RAPGEF4: variants seen among roughly 807,000 people sequenced by gnomAD.
RAPGEF4 encodes the protein RAP guanine-nucleotide-exchange factor (GEF) 4.
A neutral mutation model predicts 147.9 loss-of-function variants in RAPGEF4; 66 were observed. That is an observed-to-expected ratio of 0.45 (90% CI 0.37 to 0.55). The LOEUF is 0.55. RAPGEF4 is among the 20% of genes least tolerant of loss of function. RAPGEF4 has a pLI of 0.00. For synonymous variants in RAPGEF4, 419 were observed against 442.7 expected, an observed-to-expected ratio of 0.95 and a Z score of 0.67; for missense variants, 1,071 against 1,257.3, an observed-to-expected ratio of 0.85 and a Z score of 2.24.
intron 4 of RAPGEF4, among the ~76,000 whole-genome samples, chr2:172,839,340 G>A (rs529006931): frequency 6.6e-6 from 1 of 152,204 alleles, no homozygotes; most frequent in East Asian, 1.9e-4. Flanking sequence ...CGTAGACAGA[G>A]CAGCCCTGAG....
At chr2:172,857,273 A>G (rs1430778157) in intron 4 of RAPGEF4, among the ~76,000 whole-genome samples, 2 of 152,174 alleles carry the variant, frequency 1.3e-5, no homozygotes, top group African/African-American at 2.4e-5. Context: ...GAAGACAGGC[A>G]AATCCAAGTC....
intron 4 of RAPGEF4, among the ~76,000 whole-genome samples, chr2:172,866,738 C>G (rs1694688843): frequency 6.6e-6 from 1 of 152,018 alleles, no homozygotes; most frequent in Non-Finnish European, 1.5e-5. Context: ...TGCTGAATTA[C>G]CCTTCTGTTA....
intron 1 of RAPGEF4, among the ~76,000 whole-genome samples, chr2:172,759,986 T>G (rs1370626333): frequency 3.3e-5 from 5 of 152,170 alleles, no homozygotes. Flanking sequence ...TCTCTTTTCC[T>G]CATGTATCCC....
At chr2:172,740,965 T>C (rs1388269077) in intron 1 of RAPGEF4, among the ~76,000 whole-genome samples, 7 of 152,210 alleles carry the variant, frequency 4.6e-5, no homozygotes, top group Non-Finnish European at 8.8e-5. Flanking sequence ...AAGTAAGCCA[T>C]ATGGGAAATC....
intron 1 of RAPGEF4, among the ~76,000 whole-genome samples, chr2:172,761,476 A>G (rs902141273): frequency 2.0e-5 from 3 of 152,156 alleles, no homozygotes; most frequent in Admixed American, 2.0e-4. Context: ...GGGAAAAAAA[A>G]GAATTGTCAA....
intron 4 of RAPGEF4, among the ~76,000 whole-genome samples, chr2:172,858,768 A>G (rs1013040735): frequency 7.2e-5 from 11 of 152,322 alleles, no homozygotes; most frequent in Admixed American, 5.2e-4. Context: ...AGTTTACCCA[A>G]GTGATATAAT....
intron 29 of RAPGEF4, among the ~76,000 whole-genome samples, chr2:173,038,616 T>G (rs1362641549): frequency 2.0e-5 from 3 of 152,014 alleles, no homozygotes; most frequent in Admixed American, 1.3e-4. Context: ...AGGGAGAGCA[T>G]TAGGACAAAT....
At chr2:172,959,018 T>C (rs1373058202) in intron 6 of RAPGEF4, among the ~76,000 whole-genome samples, 1 of 152,228 alleles carries the variant, frequency 6.6e-6, no homozygotes, top group African/African-American at 2.4e-5. Flanking sequence ...GGAAAACTTA[T>C]CAATTTATTT....
At chr2:173,034,180 A>G (rs191026443) in intron 27 of RAPGEF4, among the ~76,000 whole-genome samples, 12 of 152,362 alleles carry the variant, frequency 7.9e-5, no homozygotes, top group Admixed American at 7.2e-4. Flanking sequence ...ACATAAGGTC[A>G]ATTTGTATAA....
chr2:172,784,295 G>C (rs1684972345), intron 1 of RAPGEF4, among the ~76,000 whole-genome samples: 2 of 152,154 alleles, frequency 1.3e-5, no homozygotes, highest in African/African-American at 4.8e-5. Flanking sequence ...GAGGCAGGCG[G>C]ATCATGAGGT....
At chr2:172,973,039 A>G (rs1030109589) in intron 10 of RAPGEF4, among the ~76,000 whole-genome samples, 2 of 151,542 alleles carry the variant, frequency 1.3e-5, no homozygotes, top group Admixed American at 6.6e-5. Context: ...TGTTCTCTGA[A>G]TGTTCTTTAA....
In RAPGEF4 at chr2:173,052,822, G is replaced by A. The variant is rs1455591684; in HGVS notation, c.*1055G>A. 1.3e-5 allele frequency: 2 copies of A among 152,060 alleles called. No homozygotes were observed. The highest frequency in any genetic ancestry group is 4.8e-5 in the African/African-American group (2 of 41,326). 9.4% of individuals were successfully genotyped at this position (152,060 alleles called of 1,614,324 possible). On this transcript the variant is annotated 3_prime_UTR_variant, in exon 31 of 31. Transcript: ENST00000397081. ...ACAATTAGACTACATTTAATGTGTA[G>A]GAATTGTATGTATGTATATCTTCTG... is the stretch of plus-strand genomic sequence containing the variant.
intron 4 of RAPGEF4, among the ~76,000 whole-genome samples, chr2:172,841,463 C>T (rs1051464283): frequency 6.6e-6 from 1 of 152,110 alleles, no homozygotes; most frequent in African/African-American, 2.4e-5. Flanking sequence ...TCAGGTATTC[C>T]TTTATGGCAA....
intron 30 of RAPGEF4, among the ~76,000 whole-genome samples, chr2:173,049,054 C>T (rs556092946): frequency 6.6e-6 from 1 of 152,170 alleles, no homozygotes; most frequent in East Asian, 1.9e-4. Context: ...CAATTATAAA[C>T]CAGGAAAGAT....
At chr2:172,984,134 G>A (rs1449467557) in intron 11 of RAPGEF4, among the ~76,000 whole-genome samples, 2 of 152,168 alleles carry the variant, frequency 1.3e-5, no homozygotes, top group African/African-American at 4.8e-5. Flanking sequence ...CCTGATTAGA[G>A]TATTTAGGAG....
chr2:172,753,624 T>C (rs549875614), intron 1 of RAPGEF4, among the ~76,000 whole-genome samples: 1 of 152,230 alleles, frequency 6.6e-6, no homozygotes, highest in African/African-American at 2.4e-5. Flanking sequence ...TTTGATTTCA[T>C]AGGATTGATA....
At chr2:172,838,600 C>T (rs961564469) in intron 4 of RAPGEF4, among the ~76,000 whole-genome samples, 1 of 152,060 alleles carries the variant, frequency 6.6e-6, no homozygotes, top group Admixed American at 6.5e-5. Flanking sequence ...AATTGTAGAT[C>T]TCTTTTATCA....
At chr2:172,969,187 A>G (rs1457641166) in intron 10 of RAPGEF4, among the ~76,000 whole-genome samples, 1 of 152,252 alleles carries the variant, frequency 6.6e-6, no homozygotes, top group Admixed American at 6.5e-5. Context: ...AGTTTCTTAA[A>G]GGCAAAGACA....
intron 4 of RAPGEF4, among the ~76,000 whole-genome samples, chr2:172,815,271 A>T (rs781614888): frequency 7.2e-5 from 11 of 152,240 alleles, no homozygotes; most frequent in Non-Finnish European, 7.3e-5. Flanking sequence ...TGTGTAATCA[A>T]ATAGTTTCCT....
Sources: gnomAD v4.1 joint callset for allele counts (sites outside exome capture counted in the v4.1 genomes callset) on GRCh38, gnomAD v4.1.1 for gene constraint, MANE v1.5 for transcripts, NCBI Gene and HGNC (gene_info 2026-07-23, HGNC 2026-07-21) for gene names.